Variants in TNFSF8 observed in about 807,000 individuals in gnomAD.
TNFSF8 encodes the protein tumor necrosis factor ligand superfamily member 8.
A neutral mutation model predicts 22.0 loss-of-function variants in TNFSF8; 4 were observed. That is an observed-to-expected ratio of 0.18 (90% confidence interval 0.09 to 0.42). TNFSF8 has a LOEUF of 0.42. TNFSF8 is among the 10% of genes least tolerant of loss of function. The probability of loss-of-function intolerance (pLI) is 1.00; values close to 1 mark genes in which losing one functional copy is unlikely to be tolerated. For synonymous variants in TNFSF8, 106 were observed against 112.5 expected (o/e 0.94, Z 0.37); for missense variants, 233 against 281.8 (o/e 0.83, Z 1.24).
At chr9:114,925,376 G>A (rs928610924) in intron 1 of TNFSF8, among the ~76,000 whole-genome samples, 3 of 152,108 alleles carry the variant, frequency 2.0e-5, no homozygotes, top group African/African-American at 7.2e-5. Context: ...TCAATCTCCT[G>A]TATGGCCCAT....
At position 114,909,515 on chromosome 9, in the gene TNFSF8, G is replaced by A. The variant is rs115901772; in HGVS notation, c.239-3616C>T. ...TTGTGCAAAAGTAATTGTGGTTTTG[G>A]CATTAAAAGCAATAACAAAAACTGC... is the stretch of plus-strand genomic sequence containing the variant. On this transcript the variant is annotated intron_variant, in intron 2 of 3. Transcript: ENST00000223795. Among the ~76,000 whole-genome samples, 522 of 152,220 alleles carry A rather than the reference G, an allele frequency of 3.4e-3. 5 individuals are homozygous for A. Among genetic ancestry groups the A allele is most frequent in the African/African-American group, 0.012 (503 of 41,532 alleles).
intron 1 of TNFSF8, 133 bp from the exon 2 acceptor site, chr9:114,918,271 A>G: frequency 2.9e-6 from 2 of 679,320 alleles, no homozygotes; most frequent in Non-Finnish European, 2.3e-6. Context: ...AATTTTAAAA[A>G]TTAATTCACT....
chr9:114,899,996 C>T (rs375918439), downstream of TNFSF8, among the ~76,000 whole-genome samples: 9 of 152,262 alleles, frequency 5.9e-5, no homozygotes, highest in East Asian at 1.2e-3. Flanking sequence ...TGTGTAACAG[C>T]AAAAACCTAA....
chr9:114,907,490 A>C (rs1023832225), intron 2 of TNFSF8, among the ~76,000 whole-genome samples: 5 of 152,152 alleles, frequency 3.3e-5, no homozygotes, highest in African/African-American at 1.2e-4. Context: ...GCTGCAGAAC[A>C]TCAAGCCAGG....
chr9:114,911,326 A>C (rs1011343689), intron 2 of TNFSF8, among the ~76,000 whole-genome samples: 1 of 152,222 alleles, frequency 6.6e-6, no homozygotes, highest in African/African-American at 2.4e-5. Flanking sequence ...ATGACTCTGC[A>C]TCTGCCATGC....
rs190985319 is a variant in TNFSF8, at chr9:114,902,914, G to A, written c.*1017C>T. On this transcript the variant is annotated 3_prime_UTR_variant, in exon 4 of 4. Coordinates refer to ENST00000223795, the MANE Select transcript of TNFSF8 (RefSeq NM_001244.4). Reference sequence around the variant, plus strand: ...AGTTTAATTTCTCATACCAGAAGCCGGGCTTAGTCACCCTTGATATGGGTT... The same window carrying A: ...AGTTTAATTTCTCATACCAGAAGCCAGGCTTAGTCACCCTTGATATGGGTT... 3.8e-4 allele frequency: 102 copies of A among 271,512 alleles called. No individual in the cohort carries two copies. Among genetic ancestry groups the A allele is most frequent in the Admixed American group, 6.5e-4 (10 of 15,402 alleles). 16.8% of individuals were successfully genotyped at this position (271,512 alleles called of 1,614,324 possible). A position where few individuals can be genotyped will look rare whatever the true frequency, so the allele number is the denominator to read the frequency against.
chr9:114,896,096 G>A (rs889191055), intron 4 of TNFSF8, among the ~76,000 whole-genome samples: 2 of 152,178 alleles, frequency 1.3e-5, no homozygotes, highest in South Asian at 2.1e-4. Context: ...TCCACTTGGG[G>A]GAAACAGAGA....
intron 1 of TNFSF8, among the ~76,000 whole-genome samples, chr9:114,925,116 G>C (rs919732027): frequency 3.9e-5 from 6 of 152,134 alleles, no homozygotes; most frequent in Non-Finnish European, 8.8e-5. Context: ...GGTTTTATTG[G>C]GGGCTTACAT....
chr9:114,916,504 A>T lies in TNFSF8; in HGVS notation c.238+1592T>A, dbSNP rs34724851. Among the ~76,000 whole-genome samples, 1,269 of 152,252 alleles carry T rather than the reference A, an allele frequency of 8.3e-3. 10 individuals are homozygous for T. Among genetic ancestry groups the T allele is most frequent in the Non-Finnish European group, 0.011 (761 of 68,018 alleles). On this transcript the variant is annotated intron_variant, in intron 2 of 3. Coordinates refer to ENST00000223795, the MANE Select transcript of TNFSF8 (RefSeq NM_001244.4). ...CCCTTCTCCCTGTCAAAAAATGAAAAGTTTCCATCTTCCTTGGAAAGTCTG... is the reference window on the plus strand; with the variant it reads ...CCCTTCTCCCTGTCAAAAAATGAAATGTTTCCATCTTCCTTGGAAAGTCTG...
In TNFSF8 at chr9:114,904,039, C is replaced by G; in HGVS notation, c.597G>C (p.Gln199His). The G allele has an allele frequency of 6.2e-7, 1 of 1,614,098 alleles. No homozygotes were observed. Among genetic ancestry groups the G allele is most frequent in the South Asian group, 1.1e-5 (1 of 91,084 alleles). ...CATTGACTGATATGGTGGTGTTGAC[C>G]TGCAGGTAATCCAGCAAGAATTGAG... ...NLSQFLLDYL[Q>H]VNTTISVNVD... The change falls in exon 4 of 4, where the codon CAG becomes CAC. Residue 199 changes from glutamine to histidine, a missense_variant. Physicochemically the swap from Gln to His is conservative, Grantham distance 24. Coordinates refer to ENST00000223795, the MANE Select transcript of TNFSF8 (RefSeq NM_001244.4).
intron 1 of TNFSF8, among the ~76,000 whole-genome samples, chr9:114,928,986 A>G (rs925557789): frequency 5.9e-5 from 9 of 152,236 alleles, no homozygotes; most frequent in African/African-American, 2.2e-4. Context: ...CACGAAAAGT[A>G]GGCACTATGA....
chr9:114,924,050 G>A (rs1828026026), intron 1 of TNFSF8, among the ~76,000 whole-genome samples: 1 of 152,142 alleles, frequency 6.6e-6, no homozygotes, highest in Non-Finnish European at 1.5e-5. Context: ...GCTATGAATG[G>A]ATTTCTACAA....
In TNFSF8 at chr9:114,922,797, T is replaced by G. The variant is rs568339372; in HGVS notation, c.196-4659A>C. Among the ~76,000 whole-genome samples the G allele has an allele frequency of 2.6e-5, 4 of 152,320 alleles. No individual in the cohort carries two copies. In the East Asian group the frequency reaches 7.7e-4, roughly 29 times the overall value. On this transcript the variant is annotated intron_variant, in intron 1 of 3. Coordinates refer to ENST00000223795, the MANE Select transcript of TNFSF8 (RefSeq NM_001244.4). ...AGTGGACCACAGTGGCTTAAAGCAG[T>G]GCTTCTCCCACTTTAAAAGACTGAC...
Position 114,902,741 on chromosome 9 carries a change from AG to A in TNFSF8, c.*1189del. On this transcript the variant is annotated 3_prime_UTR_variant, in exon 4 of 4. Transcript: ENST00000223795. Reference sequence around the variant, plus strand: ...AATTGTGTCTGGAATCTCAGTTCCCAGGGTCTGGTCTTCTGAGATGGAAGAG... The same window carrying A: ...AATTGTGTCTGGAATCTCAGTTCCCAGGTCTGGTCTTCTGAGATGGAAGAG... The A allele has an allele frequency of 1.0e-6, 1 of 985,448 alleles. No individual in the cohort carries two copies. Among genetic ancestry groups the A allele is most frequent in the Non-Finnish European group, 1.2e-6 (1 of 829,932 alleles). 61.0% of individuals were successfully genotyped at this position (985,448 alleles called of 1,614,324 possible).
chr9:114,912,747 A>G (rs1260946444), intron 2 of TNFSF8, among the ~76,000 whole-genome samples: 3 of 152,218 alleles, frequency 2.0e-5, no homozygotes, highest in African/African-American at 7.2e-5. Context: ...GTTGGGTCTT[A>G]GTGAGAACCT....
intron 1 of TNFSF8, among the ~76,000 whole-genome samples, chr9:114,919,122 T>A (rs1480908635): frequency 6.6e-6 from 1 of 152,072 alleles, no homozygotes; most frequent in East Asian, 1.9e-4. Flanking sequence ...TCTGAATTAA[T>A]TGTGTGTTTA....
intron 2 of TNFSF8, among the ~76,000 whole-genome samples, chr9:114,907,490 A>G (rs1023832225): frequency 6.6e-6 from 1 of 152,152 alleles, no homozygotes; most frequent in East Asian, 1.9e-4. Flanking sequence ...GCTGCAGAAC[A>G]TCAAGCCAGG....
intron 4 of TNFSF8, among the ~76,000 whole-genome samples, chr9:114,895,945 T>C (rs1277089171): frequency 6.6e-6 from 1 of 152,350 alleles, no homozygotes; most frequent in South Asian, 2.1e-4. Flanking sequence ...AGGGAGACAG[T>C]TGGATCAAAA....
chr9:114,923,781 G>T (rs1351933569), intron 1 of TNFSF8, among the ~76,000 whole-genome samples: 2 of 152,058 alleles, frequency 1.3e-5, no homozygotes, highest in African/African-American at 4.8e-5. Flanking sequence ...GCCTCCCAAA[G>T]TGTTGGGATT....
Sources: gnomAD v4.1 joint callset for allele counts (sites outside exome capture counted in the v4.1 genomes callset) on GRCh38, gnomAD v4.1.1 for gene constraint, MANE v1.5 for transcripts, NCBI Gene and HGNC (gene_info 2026-07-23, HGNC 2026-07-21) for gene names.